The following LPAR6 variants were observed in gnomAD, a reference collection of about 807,000 sequenced individuals.
LPAR6 encodes the protein G-protein coupled purinergic receptor P2Y5.
Under a neutral mutation model 22.0 loss-of-function variants are expected in LPAR6, and 17 were observed. That is an observed-to-expected ratio of 0.77 (90% CI 0.53 to 1.16). The LOEUF is 1.16. Ranked by LOEUF, LPAR6 falls within the 50% of genes most tolerant of loss-of-function variation. The pLI, the probability that LPAR6 is intolerant of heterozygous loss-of-function variation, is 0.00. For missense variants in LPAR6, 384 were observed against 406.9 expected, an observed-to-expected ratio of 0.94 and a Z score of 0.48; for synonymous variants, 136 against 139.8, an observed-to-expected ratio of 0.97 and a Z score of 0.19.
intron 2 of LPAR6, among the ~76,000 whole-genome samples, chr13:48,421,313 T>C (rs1008623808): frequency 1.3e-5 from 2 of 152,158 alleles, no homozygotes; most frequent in Admixed American, 6.5e-5. Flanking sequence ...TGGCTAGCCA[T>C]GTGCAGAAAA....
upstream of LPAR6, among the ~76,000 whole-genome samples, chr13:48,413,436 G>A (rs1948853586): frequency 1.3e-5 from 2 of 152,056 alleles, no homozygotes; most frequent in Admixed American, 1.3e-4. Context: ...TTCGTGTTTG[G>A]GATATGACAA....
chr13:48,409,570 A>ATTTTT (rs5803435), downstream of LPAR6, among the ~76,000 whole-genome samples: 20 of 59,698 alleles, frequency 3.4e-4, no homozygotes, highest in African/African-American at 1.2e-3. Context: ...GAACTGCTTG[A>ATTTTT]TTTTTTTTTT....
At position 48,411,971 on chromosome 13, in the gene LPAR6, G is replaced by A. The variant is rs770561161; in HGVS notation, c.453C>T (p.Ala151=). The change falls in exon 1 of 1, where the codon GCC becomes GCT. Residue 151 remains alanine (A), a synonymous_variant. Coordinates refer to ENST00000620633, the MANE Select transcript of LPAR6 (RefSeq NM_001162498.3). ...WLTVIGGSAP[A]VFVQSTHSQG... ...GAGAGTGGGTAGACTGAACAAAAAC[G>A]GCGGGTGCACTTCCTCCGATCACAG... 16 of 1,598,010 alleles carry A rather than the reference G, an allele frequency of 1.0e-5. No individual in the cohort carries two copies. In the East Asian group the frequency reaches 1.6e-4, roughly 16 times the overall value.
intron 1 of LPAR6, among the ~76,000 whole-genome samples, chr13:48,425,770 A>G (rs1044608477): frequency 6.6e-6 from 1 of 152,222 alleles, no homozygotes; most frequent in Non-Finnish European, 1.5e-5. Flanking sequence ...GTATTAAATT[A>G]GACCTATAGA....
chr13:48,437,066 G>A (rs1015825850), intron 1 of LPAR6, among the ~76,000 whole-genome samples: 3 of 152,118 alleles, frequency 2.0e-5, no homozygotes, highest in African/African-American at 7.2e-5. Context: ...ATGTATGTTA[G>A]TTATGAAAAG....
chr13:48,407,247 C>G (rs1016235499), downstream of LPAR6, among the ~76,000 whole-genome samples: 1 of 151,918 alleles, frequency 6.6e-6, no homozygotes, highest in African/African-American at 2.4e-5. Context: ...TGAATTATAC[C>G]CCTTCTGGGG....
intron 1 of LPAR6, among the ~76,000 whole-genome samples, chr13:48,432,897 G>T (rs1390993480): frequency 2.6e-5 from 4 of 152,000 alleles, no homozygotes; most frequent in Admixed American, 6.6e-5. Flanking sequence ...TAATAAATCT[G>T]CTGTTTATGA....
chr13:48,393,499 A>G (rs568837503), intron 1 of LPAR6, among the ~76,000 whole-genome samples: 6 of 152,276 alleles, frequency 3.9e-5, no homozygotes, highest in Admixed American at 3.9e-4. Context: ...GTGTAAAAAG[A>G]ATTCTTTTAT....
In LPAR6 at chr13:48,395,269, G is replaced by C. The variant is rs143065152; in HGVS notation, n.115-5457C>G. ...TCATCAACATCAAAGACCAAAGGTA[G>C]ATAAATCCATGAAGATGAGGAAAAA... On this transcript the variant is annotated intron_variant and non_coding_transcript_variant, in intron 1 of 1. Coordinates refer to the LPAR6 transcript ENST00000462781. Among the ~76,000 whole-genome samples the C allele has an allele frequency of 9.8e-3, 1,488 of 152,280 alleles. 26 individuals carry two copies. Among genetic ancestry groups the C allele is most frequent in the African/African-American group, 0.034 (1,427 of 41,546 alleles).
At chr13:48,436,700 C>A (rs961247078) in intron 1 of LPAR6, among the ~76,000 whole-genome samples, 1 of 151,864 alleles carries the variant, frequency 6.6e-6, no homozygotes, top group African/African-American at 2.4e-5. Context: ...AGCAGATCTG[C>A]AGAAATATTA....
intron 2 of LPAR6, among the ~76,000 whole-genome samples, chr13:48,421,074 A>G (rs1454308060): frequency 6.6e-6 from 1 of 152,240 alleles, no homozygotes; most frequent in African/African-American, 2.4e-5. Flanking sequence ...CCATATAGCC[A>G]AGACAATCCT....
Position 48,436,711 on chromosome 13 carries a change from G to C in LPAR6, c.-1474+7842C>G, listed in dbSNP as rs187916323. On this transcript the variant is annotated intron_variant, in intron 1 of 6. Coordinates refer to the LPAR6 transcript ENST00000378434. ...GGCAAGCAGATCTGCAGAAATATTA[G>C]TATTAAAGGACCAGCAAGGTAAAAT... 3.3e-5 allele frequency among the ~76,000 whole-genome samples: 5 copies of C among 152,078 alleles called. No individual in the cohort carries two copies. The East Asian group carries it at 9.7e-4, about 29-fold the overall frequency.
intron 1 of LPAR6, among the ~76,000 whole-genome samples, chr13:48,396,698 G>A (rs1452125762): frequency 6.6e-6 from 1 of 152,212 alleles, no homozygotes; most frequent in Non-Finnish European, 1.5e-5. Flanking sequence ...ACTATCTTCA[G>A]AGTGAACAGG....
At chr13:48,408,073 A>T (rs1948755510), downstream of LPAR6, among the ~76,000 whole-genome samples, 1 of 152,112 alleles carries the variant, frequency 6.6e-6, no homozygotes, top group African/African-American at 2.4e-5. Flanking sequence ...TGTTTCTCGG[A>T]TGGGAATATG....
chr13:48,408,800 T>C (rs1948762867), downstream of LPAR6: 2 of 152,200 alleles, frequency 1.3e-5, no homozygotes, highest in Non-Finnish European at 2.9e-5. Context: ...AGTTTCTTTA[T>C]GAACATAGTA....
Position 48,402,270 on chromosome 13 carries a change from A to G in LPAR6, n.115-12458T>C, listed in dbSNP as rs141526938. On this transcript the variant is annotated intron_variant and non_coding_transcript_variant, in intron 1 of 1. Transcript: ENST00000462781. The stretch of plus-strand genomic sequence containing the variant: ...GCATCTGATTTAGTTGAACCCACAT[A>G]TTTTAACGGGGTCTTCTGAAAATAA... Among the ~76,000 whole-genome samples, 140 of 151,762 alleles carry G rather than the reference A, an allele frequency of 9.2e-4. 3 individuals carry two copies. In the East Asian group the frequency reaches 0.021, roughly 23 times the overall value.
chr13:48,408,608 A>G (rs1410367052), downstream of LPAR6: 9 of 152,186 alleles, frequency 5.9e-5, 1 homozygote, highest in Admixed American at 5.9e-4. Context: ...GAAAACCCTC[A>G]GAATATATGA....
chr13:48,419,352 C>A (rs1023798908), intron 2 of LPAR6, among the ~76,000 whole-genome samples: 3 of 152,140 alleles, frequency 2.0e-5, no homozygotes, highest in African/African-American at 4.8e-5. Flanking sequence ...AACCAAGACA[C>A]AACATACCCA....
chr13:48,435,747 T>A (rs946977839), intron 1 of LPAR6, among the ~76,000 whole-genome samples: 1 of 152,170 alleles, frequency 6.6e-6, no homozygotes, highest in Non-Finnish European at 1.5e-5. Context: ...GGTTGAGGTT[T>A]TTTTAGGGGG....
Sources: gnomAD v4.1 joint callset for allele counts (sites outside exome capture counted in the v4.1 genomes callset) on GRCh38, gnomAD v4.1.1 for gene constraint, MANE v1.5 for transcripts, NCBI Gene and HGNC (gene_info 2026-07-23, HGNC 2026-07-21) for gene names.